Variants in TG observed in about 807,000 individuals in gnomAD.
The protein encoded by TG is thyroid hormones.
A neutral mutation model predicts 324.7 loss-of-function variants in TG; 270 were observed. That is an observed-to-expected ratio of 0.83 (90% CI 0.75 to 0.92). The LOEUF is 0.92. Ranked by LOEUF, TG falls within the 40% of genes least tolerant of loss-of-function variation. The pLI is 0.00. For synonymous variants in TG, 1,401 were observed against 1,327.0 expected (o/e 1.06, Z -1.21); for missense variants, 3,591 against 3,456.4 (o/e 1.04, Z -0.98).
At chr8:132,905,072 A>G (rs141541487) in intron 16 of TG, among the ~76,000 whole-genome samples, 1 of 152,328 alleles carries the variant, frequency 6.6e-6, no homozygotes, top group Non-Finnish European at 1.5e-5. Context: ...ATGAACTGAT[A>G]TTAGCAAAGC....
chr8:132,950,510 A>T (rs983589364), intron 27 of TG, among the ~76,000 whole-genome samples: 1 of 152,024 alleles, frequency 6.6e-6, no homozygotes. Flanking sequence ...ATTCCATGTC[A>T]CCTCCTCCAA....
At chr8:132,948,731 T>TC (rs773784368) in intron 26 of TG, 45 bp from the exon 27 acceptor site, 1 of 1,602,804 alleles carries the variant, frequency 6.2e-7, no homozygotes, top group South Asian at 1.1e-5. Flanking sequence ...TCTCTAAAGG[T>TC]CCCCCTCCAT....
intron 18 of TG, among the ~76,000 whole-genome samples, chr8:132,911,151 A>G (rs897936248): frequency 1.3e-5 from 2 of 152,098 alleles, no homozygotes; most frequent in African/African-American, 4.8e-5. Context: ...CTCTTCCTCC[A>G]CTTATACTTC....
chr8:132,871,222 G>A (rs370193105), intron 3 of TG, 126 bp from the exon 4 acceptor site: 22 of 942,408 alleles, frequency 2.3e-5, no homozygotes, highest in African/African-American at 6.4e-5. Flanking sequence ...CCATCACTGC[G>A]TGTCCTTGGG....
chr8:133,039,968 CACACACACACAT>C (rs747789884), intron 41 of TG: 18 of 1,527,154 alleles, frequency 1.2e-5, no homozygotes, highest in Admixed American at 1.1e-4. Context: ...CACACACACA[CACACACACACAT>C]ACACACACCA....
intron 43 of TG, among the ~76,000 whole-genome samples, chr8:133,112,169 T>C (rs1850308105): frequency 6.6e-6 from 1 of 152,240 alleles, no homozygotes; most frequent in South Asian, 2.1e-4. Flanking sequence ...CAGGAGGGAC[T>C]GTGCTTACCC....
At chr8:133,111,824 C>CT (rs760087386) in intron 43 of TG, among the ~76,000 whole-genome samples, 3 of 152,228 alleles carry the variant, frequency 2.0e-5, no homozygotes, top group African/African-American at 7.2e-5. Context: ...TTGCTCCAGA[C>CT]TTTTTTCCCC....
At position 132,882,455 on chromosome 8, in the gene TG, C is replaced by A; in HGVS notation, c.746-14C>A. 6.2e-7 allele frequency: 1 copy of A among 1,614,176 alleles called. No individual in the cohort carries two copies. Among genetic ancestry groups the A allele is most frequent in the Non-Finnish European group, 8.5e-7 (1 of 1,180,014 alleles). On this transcript the variant is annotated splice_polypyrimidine_tract_variant and intron_variant, in intron 6 of 47. Transcript: ENST00000220616. ...AATGAGACCATCTCTGAAAGTCTTG[C>A]TGTCTTTGCTCAGGTTTGGAGTTGT...
Position 133,013,677 on chromosome 8 carries a change from G to A in TG, c.6475G>A (p.Asp2159Asn). Reference protein sequence around the residue: ...PGAVRCMFYADTQSCTHSLQG... With the variant: ...PGAVRCMFYANTQSCTHSLQG... Reference sequence around the variant, plus strand: ...GGCTGTGAGATGTATGTTCTATGCTGATACTCAAAGCTGCACACATAGTCT... The same window carrying A: ...GGCTGTGAGATGTATGTTCTATGCTAATACTCAAAGCTGCACACATAGTCT... Residue 2159 changes from aspartate to asparagine, a missense_variant, in exon 37 of 48, where the codon GAT becomes AAT. Coordinates refer to ENST00000220616, the MANE Select transcript of TG (RefSeq NM_003235.5). 6.2e-7 allele frequency: 1 copy of A among 1,614,178 alleles called. No individual in the cohort carries two copies. The highest frequency in any genetic ancestry group is 1.1e-5 in the South Asian group (1 of 91,084).
At chr8:133,061,805 G>A (rs1232033467) in intron 41 of TG, among the ~76,000 whole-genome samples, 1 of 152,174 alleles carries the variant, frequency 6.6e-6, no homozygotes, top group Non-Finnish European at 1.5e-5. Context: ...ACAGGTTCTG[G>A]AAAGAAGTAC....
intron 8 of TG, 89 bp from the exon 9 acceptor site, chr8:132,886,359 C>A: frequency 6.4e-7 from 1 of 1,558,536 alleles, no homozygotes; most frequent in Non-Finnish European, 8.8e-7. Flanking sequence ...AATGTTCTGG[C>A]TTCTTACTAC....
chr8:132,897,727 A>C lies in TG; in HGVS notation c.3080A>C (p.Tyr1027Ser). 6.2e-7 allele frequency: 1 copy of C among 1,614,178 alleles called. No individual in the cohort carries two copies. The highest frequency in any genetic ancestry group is 8.5e-7 in the Non-Finnish European group (1 of 1,180,042). ...GASALLRSGP[Y>S]MPQCDAFGSW... Reference sequence around the variant, plus strand: ...TCCGCCCTTCTGCGGTCGGGCCCCTACATGCCACAGTGTGATGCGTTTGGA... The same window carrying C: ...TCCGCCCTTCTGCGGTCGGGCCCCTCCATGCCACAGTGTGATGCGTTTGGA... The change falls in exon 12 of 48, where the codon TAC (tyrosine) becomes TCC (serine). Residue 1027 changes from tyrosine (Y) to serine (S), a missense_variant. By Grantham distance (144) the Tyr-to-Ser change is moderately radical. Coordinates refer to ENST00000220616, the MANE Select transcript of TG (RefSeq NM_003235.5).
chr8:133,011,668 G>C (rs978069445), intron 35 of TG, among the ~76,000 whole-genome samples: 1 of 152,024 alleles, frequency 6.6e-6, no homozygotes, highest in Non-Finnish European at 1.5e-5. Context: ...TGTTTGTTTC[G>C]TTCTGTTTTC....
chr8:132,875,300 G>T (rs1839855888), intron 5 of TG, among the ~76,000 whole-genome samples: 1 of 152,212 alleles, frequency 6.6e-6, no homozygotes, highest in South Asian at 2.1e-4. Flanking sequence ...ACTTATTGCT[G>T]CAAACCAATG....
chr8:132,888,629 G>GT, intron 10 of TG, 61 bp downstream of exon 10: 3 of 1,444,206 alleles, frequency 2.1e-6, no homozygotes, highest in Non-Finnish European at 1.9e-6. Flanking sequence ...GTGTATGTGT[G>GT]TTTAACATAT....
At chr8:132,887,584 G>A (rs554483840) in intron 9 of TG, 36 bp downstream of exon 9, 1 of 1,614,084 alleles carries the variant, frequency 6.2e-7, no homozygotes, top group East Asian at 2.2e-5. Flanking sequence ...TAGGTTCCCT[G>A]AGTCTCTCTT....
Position 132,893,695 on chromosome 8 carries a change from G to A in TG, c.2767G>A (p.Gly923Ser), listed in dbSNP as rs556522511. The change falls in exon 11 of 48, where the codon GGC becomes AGC. Residue 923 changes from glycine to serine, a missense_variant. Physicochemically the swap from Gly to Ser is moderately conservative, Grantham distance 56. Coordinates refer to ENST00000220616, the MANE Select transcript of TG (RefSeq NM_003235.5). ...SEPSKLPTCP[G>S]SCEEAKLRVL... Reference sequence around the variant, plus strand: ...TGTTATTTTTATTCCCCTAGGTCCTGGCTCCTGTGAGGAAGCAAAGCTCCG... The same window carrying A: ...TGTTATTTTTATTCCCCTAGGTCCTAGCTCCTGTGAGGAAGCAAAGCTCCG... 1 of 1,613,722 alleles carries A rather than the reference G, an allele frequency of 6.2e-7. No individual in the cohort carries two copies. Among genetic ancestry groups the A allele is most frequent in the Admixed American group, 1.7e-5 (1 of 59,984 alleles).
At chr8:132,915,059 T>C (rs1239462284) in intron 20 of TG, among the ~76,000 whole-genome samples, 1 of 152,142 alleles carries the variant, frequency 6.6e-6, no homozygotes, top group Non-Finnish European at 1.5e-5. Context: ...TTTGTGTTTT[T>C]GTCCGTACGC....
chr8:132,970,295 T>G (rs1167885177), intron 32 of TG, among the ~76,000 whole-genome samples: 1 of 152,164 alleles, frequency 6.6e-6, no homozygotes, highest in East Asian at 1.9e-4. Context: ...TCTCTCCTAG[T>G]ATTGTCTGTG....
Sources: gnomAD v4.1 joint callset for allele counts (sites outside exome capture counted in the v4.1 genomes callset) on GRCh38, gnomAD v4.1.1 for gene constraint, MANE v1.5 for transcripts, NCBI Gene and HGNC (gene_info 2026-07-23, HGNC 2026-07-21) for gene names.